Variants in ZNF274 observed in about 807,000 individuals in gnomAD.
ZNF274 encodes neurotrophin receptor-interacting factor homolog.
In ZNF274, 23 loss-of-function variants were observed where a neutral mutation model predicts 42.5. That is an observed-to-expected ratio of 0.54 (90% CI 0.39 to 0.77). The LOEUF (loss-of-function observed/expected upper bound fraction) is 0.77, where lower values mean the gene tolerates loss of function less well. Among genes scored for constraint, ZNF274 ranks in the 30% least tolerant of loss-of-function variants. The pLI is 0.00. For synonymous variants in ZNF274, 292 were observed against 305.4 expected (o/e 0.96, Z 0.46); for missense variants, 679 against 806.5 (o/e 0.84, Z 1.91).
At chr19:58,187,693 C>T (rs1234249303) in intron 4 of ZNF274, among the ~76,000 whole-genome samples, 3 of 152,058 alleles carry the variant, frequency 2.0e-5, no homozygotes, top group Admixed American at 1.3e-4. Flanking sequence ...GCTGGGATTC[C>T]AGGCATGAGC....
At position 58,187,052 on chromosome 19, in the gene ZNF274, A is replaced by G. The variant is rs1361598779; in HGVS notation, c.256+10A>G. 2 of 1,606,140 alleles carry G rather than the reference A, an allele frequency of 1.2e-6. No homozygotes were observed. Among genetic ancestry groups the G allele is most frequent in the African/African-American group, 1.3e-5 (1 of 74,814 alleles). ...CAAGACACCATTCCAGGTGAGAACC[A>G]GACATGGGAAGCCCCCACAGGGAAG... On this transcript the variant is annotated intron_variant, in intron 4 of 7. Coordinates refer to ENST00000617501, the MANE Select transcript of ZNF274 (RefSeq NM_133502.3).
intron 4 of ZNF274, among the ~76,000 whole-genome samples, chr19:58,188,623 AT>A (rs1568697525): frequency 1.1e-3 from 23 of 21,682 alleles, no homozygotes; most frequent in South Asian, 4.9e-3. Flanking sequence ...AAAAAAAAAT[AT>A]ATATATATAT....
chr19:58,195,210 T>A (rs1199619810), intron 4 of ZNF274, among the ~76,000 whole-genome samples: 5 of 132,884 alleles, frequency 3.8e-5, no homozygotes, highest in African/African-American at 1.2e-4. Flanking sequence ...AAAAAAAAAA[T>A]ACACATATAT....
Position 58,206,722 on chromosome 19 carries a change from T to C in ZNF274, c.259T>C (p.Tyr87His), listed in dbSNP as rs1449181727. 1 of 1,568,624 alleles carries C rather than the reference T, an allele frequency of 6.4e-7. No individual in the cohort carries two copies. Among genetic ancestry groups the C allele is most frequent in the Admixed American group, 1.9e-5 (1 of 52,308 alleles). The change falls in exon 5 of 8, where the codon TAT (tyrosine) becomes CAT (histidine). Residue 87 changes from tyrosine (Y) to histidine (H), a missense_variant and splice_region_variant. By Grantham distance (83) the Tyr-to-His change is moderately conservative. This residue lies in a region of ZNF274 where 223 missense variants were observed against 216.4 expected (regional missense o/e 1.03). Coordinates refer to ENST00000617501, the MANE Select transcript of ZNF274 (RefSeq NM_133502.3). The stretch of plus-strand genomic sequence containing the variant: ...CTTGCTCTGCTTTTGACTTACAGAG[T>C]ATCCTGAGCTCCAGCTGGACCCTAA... Reference protein sequence around the residue: ...RGIPQDTIPEYPELQLDPKLD... With the variant: ...RGIPQDTIPEHPELQLDPKLD...
At chr19:58,192,929 C>T (rs1010012714) in intron 4 of ZNF274, among the ~76,000 whole-genome samples, 1 of 152,010 alleles carries the variant, frequency 6.6e-6, no homozygotes, top group African/African-American at 2.4e-5. Flanking sequence ...ATTTTTTTGT[C>T]ACCATGTTGC....
chr19:58,200,144 G>A (rs1005700393), intron 4 of ZNF274, among the ~76,000 whole-genome samples: 1 of 152,212 alleles, frequency 6.6e-6, no homozygotes, highest in Non-Finnish European at 1.5e-5. Flanking sequence ...TCCAGGTACT[G>A]TTCCAGGGCT....
rs483303 is a variant in ZNF274 at position 58,200,631 on chromosome 19, A to G, written c.257-6089A>G. ...CGAAGATGTTGGGGAAGACTATACC[A>G]GGCAGGAGGGTGGTGCACATGTGGA... On this transcript the variant is annotated intron_variant, in intron 4 of 7. Coordinates refer to ENST00000617501, the MANE Select transcript of ZNF274 (RefSeq NM_133502.3). Among the ~76,000 whole-genome samples the G allele has an allele frequency of 1.4e-4, 22 of 152,290 alleles. 1 individual carries two copies. The East Asian group carries it at 2.3e-3, about 16-fold the overall frequency.
intron 4 of ZNF274, among the ~76,000 whole-genome samples, chr19:58,187,704 C>T (rs1164019748): frequency 1.3e-5 from 2 of 151,888 alleles, no homozygotes; most frequent in African/African-American, 4.8e-5. Context: ...AGGCATGAGC[C>T]ACCGTGTCTG....
rs1251719131 is a variant in ZNF274 at position 58,188,616 on chromosome 19, AAAAAAT to A, written c.256+1576_256+1581del. 9.0e-3 allele frequency among the ~76,000 whole-genome samples: 543 copies of A among 60,488 alleles called. 2 individuals carry two copies. Among genetic ancestry groups the A allele is most frequent in the African/African-American group, 0.04 (501 of 12,530 alleles). The allele number at this position is 60,488 out of a possible 152,430, so 39.7% of individuals were successfully genotyped here. On this transcript the variant is annotated intron_variant, in intron 4 of 7. Coordinates refer to ENST00000617501, the MANE Select transcript of ZNF274 (RefSeq NM_133502.3). Reference sequence around the variant, plus strand: ...GTGAGACTCCATCTCAAAAAAAAAAAAAAAATATATATATATATATATATATATATG... The same window carrying A: ...GTGAGACTCCATCTCAAAAAAAAAAAATATATATATATATATATATATATG...
intron 1 of ZNF274, 42 bp from the exon 2 acceptor site, chr19:58,183,879 A>G (rs2075662096): frequency 7.3e-7 from 1 of 1,376,600 alleles, no homozygotes; most frequent in Non-Finnish European, 1.0e-6. Flanking sequence ...CCCAGCGGAC[A>G]CCTTAAGCCT....
At chr19:58,199,761 A>G (rs1348470717) in intron 4 of ZNF274, among the ~76,000 whole-genome samples, 1 of 152,250 alleles carries the variant, frequency 6.6e-6, no homozygotes, top group East Asian at 1.9e-4. Flanking sequence ...CAAATTTGAC[A>G]TGGATATACA....
At position 58,207,327 on chromosome 19, in the gene ZNF274, C is replaced by T; in HGVS notation, c.739+125C>T. 5.0e-6 allele frequency: 7 copies of T among 1,399,818 alleles called. No homozygotes were observed. Among genetic ancestry groups the T allele is most frequent in the East Asian group, 2.5e-5 (1 of 39,710 alleles). The allele number at this position is 1,399,818 out of a possible 1,614,324, so 86.7% of individuals were successfully genotyped here. A position where few individuals can be genotyped will look rare whatever the true frequency, so the allele number is the denominator to read the frequency against. On this transcript the variant is annotated intron_variant, in intron 5 of 7. Transcript: ENST00000617501. This position sits in a 1 kb window ranked among gnomAD's most constrained non-coding sequence, Gnocchi z 5.6. ...AGGATTGTGTCCGCTCCATACAGAC[C>T]AAGGACATCCATGTTGCCCACGTGT...
At chr19:58,184,086 C>T in intron 2 of ZNF274, 88 bp downstream of exon 2, 1 of 1,429,862 alleles carries the variant, frequency 7.0e-7, no homozygotes, top group South Asian at 1.2e-5. Flanking sequence ...CCCTGAGATA[C>T]CCCCATCCTC....
At chr19:58,195,962 AC>A (rs35836308) in intron 4 of ZNF274, among the ~76,000 whole-genome samples, 12 of 152,086 alleles carry the variant, frequency 7.9e-5, no homozygotes, top group Non-Finnish European at 1.6e-4. Flanking sequence ...GCAGCTGGGG[AC>A]CCCTGGTTTA....
chr19:58,184,833 G>C (rs2075676803), intron 2 of ZNF274: 1 of 152,224 alleles, frequency 6.6e-6, no homozygotes, highest in African/African-American at 2.4e-5. Context: ...ATAAGAAATA[G>C]GGGGCCGGGC....
chr19:58,198,107 A>G (rs1017670836), intron 4 of ZNF274, among the ~76,000 whole-genome samples: 3 of 152,220 alleles, frequency 2.0e-5, no homozygotes, highest in Admixed American at 6.5e-5. Context: ...AAGAGGAACA[A>G]TGGCTTTAAG....
At chr19:58,200,464 A>G (rs1199325951) in intron 4 of ZNF274, among the ~76,000 whole-genome samples, 6 of 152,194 alleles carry the variant, frequency 3.9e-5, no homozygotes, top group Non-Finnish European at 7.3e-5. Flanking sequence ...AATGGGATAC[A>G]TTGGTGGGGG....
chr19:58,197,366 GAAT>G (rs1413465007), intron 4 of ZNF274, among the ~76,000 whole-genome samples: 1 of 152,160 alleles, frequency 6.6e-6, no homozygotes, highest in Non-Finnish European at 1.5e-5. Context: ...GAACCCCGTT[GAAT>G]AATAAAAATG....
At chr19:58,185,927 G>C (rs2075692679) in intron 3 of ZNF274, 89 bp downstream of exon 3, 2 of 1,199,648 alleles carry the variant, frequency 1.7e-6, no homozygotes, top group Admixed American at 6.2e-5. Flanking sequence ...GGCTCACACT[G>C]CAGGGGCACC....
Sources: allele counts gnomAD v4.1 joint callset (sites outside exome capture counted in the v4.1 genomes callset), GRCh38; gene constraint gnomAD v4.1.1; regional missense constraint gnomAD v4.1.1; non-coding constraint Gnocchi (gnomAD v3.1); transcripts MANE v1.5; gene names NCBI Gene and HGNC (gene_info 2026-07-23, HGNC 2026-07-21).